Variants in MDFIC2 observed in about 807,000 individuals in gnomAD.
The protein encoded by MDFIC2 is myoD family inhibitor domain-containing protein 2.
intron 1 of MDFIC2, among the ~76,000 whole-genome samples, 175 bp downstream of exon 1, chr3:70,312,376 G>A (rs1242993587): frequency 6.6e-6 from 1 of 152,180 alleles, no homozygotes; most frequent in Non-Finnish European, 1.5e-5. Context: ...AAACACAAAA[G>A]CATCTTTTCA....
At chr3:70,279,641 G>A (rs1702061846) in intron 2 of MDFIC2, among the ~76,000 whole-genome samples, 1 of 152,186 alleles carries the variant, frequency 6.6e-6, no homozygotes, top group Non-Finnish European at 1.5e-5. Context: ...GCTACATGCT[G>A]AGTCCTATTT....
intron 2 of MDFIC2, among the ~76,000 whole-genome samples, chr3:70,259,044 C>G (rs1158066789): frequency 6.6e-6 from 1 of 152,064 alleles, no homozygotes; most frequent in African/African-American, 2.4e-5. Flanking sequence ...GAGAAAGATA[C>G]AGTTGATGTG....
At chr3:70,231,860 T>C (rs1262326756) in intron 2 of MDFIC2, among the ~76,000 whole-genome samples, 5 of 152,166 alleles carry the variant, frequency 3.3e-5, no homozygotes, top group African/African-American at 1.2e-4. Context: ...TAAACAGGCC[T>C]GCTGTGATGT....
At chr3:70,296,466 C>T (rs1398189893) in intron 2 of MDFIC2, among the ~76,000 whole-genome samples, 1 of 152,104 alleles carries the variant, frequency 6.6e-6, no homozygotes, top group African/African-American at 2.4e-5. Flanking sequence ...CATCACCTCT[C>T]ACACCGTGAC....
rs142575487 is a variant in MDFIC2 at position 70,267,042 on chromosome 3, C to T, written c.88+44844G>A. 4.7e-3 allele frequency among the ~76,000 whole-genome samples: 722 copies of T among 152,272 alleles called. 5 individuals carry two copies. The highest frequency in any genetic ancestry group is 0.017 in the African/African-American group (689 of 41,556). ...TAGCTAAACTCTCATGAAATAGCTTCCTTCTGAGCAATGTCGTGCCAATGA... is the reference window on the plus strand; with the variant it reads ...TAGCTAAACTCTCATGAAATAGCTTTCTTCTGAGCAATGTCGTGCCAATGA... On this transcript the variant is annotated intron_variant, in intron 2 of 3. Coordinates refer to ENST00000567252, the MANE Select transcript of MDFIC2 (RefSeq NM_001364677.1).
chr3:70,285,902 G>A (rs1330842841), intron 2 of MDFIC2, among the ~76,000 whole-genome samples: 2 of 151,400 alleles, frequency 1.3e-5, no homozygotes, highest in Non-Finnish European at 2.9e-5. Context: ...TTTTGATGGG[G>A]TTGTTTGTTT....
chr3:70,254,942 T>C lies in MDFIC2; in HGVS notation c.89-48152A>G, dbSNP rs77707960. On this transcript the variant is annotated intron_variant, in intron 2 of 3. Coordinates refer to ENST00000567252, the MANE Select transcript of MDFIC2 (RefSeq NM_001364677.1). Reference sequence around the variant, plus strand: ...ATTCCTCTGTAATGGTTTCCTAATATTCCTATTATGAATGTGCAATAATGT... The same window carrying C: ...ATTCCTCTGTAATGGTTTCCTAATACTCCTATTATGAATGTGCAATAATGT... Among the ~76,000 whole-genome samples the C allele has an allele frequency of 6.9e-3, 1,047 of 152,310 alleles. 9 individuals are homozygous for C. The highest frequency in any genetic ancestry group is 0.024 in the African/African-American group (1,004 of 41,578).
intron 3 of MDFIC2, among the ~76,000 whole-genome samples, chr3:70,203,130 G>A (rs1030300323): frequency 5.3e-5 from 8 of 152,082 alleles, no homozygotes; most frequent in African/African-American, 1.7e-4. Context: ...TCTCCCAGAA[G>A]TGATCCCAGA....
intron 2 of MDFIC2, among the ~76,000 whole-genome samples, chr3:70,252,945 TG>T (rs1701783181): frequency 6.6e-6 from 1 of 151,938 alleles, no homozygotes; most frequent in South Asian, 2.1e-4. Flanking sequence ...CCGGCTGTGG[TG>T]GCAGGCGCCT....
chr3:70,310,924 GCAAGTTACTAGAA>G (rs910527666), intron 2 of MDFIC2, among the ~76,000 whole-genome samples: 1 of 151,996 alleles, frequency 6.6e-6, no homozygotes, highest in Non-Finnish European at 1.5e-5. Flanking sequence ...GTAATTTTAG[GCAAGTTACTAGAA>G]CTCTTTAAGG....
chr3:70,225,292 G>GA (rs1701493189), intron 2 of MDFIC2, among the ~76,000 whole-genome samples: 1 of 152,166 alleles, frequency 6.6e-6, no homozygotes, highest in South Asian at 2.1e-4. Flanking sequence ...TCTTCAGTGT[G>GA]AGAATTATAA....
rs539322156 is a variant in MDFIC2 at position 70,308,224 on chromosome 3, T to C, written c.88+3662A>G. On this transcript the variant is annotated intron_variant, in intron 2 of 3. Transcript: ENST00000567252. ...TGCCATTACACCCAGCTAATTTTATTTTTTTGTTTTTATTTTATTTTTTTT... is the reference window on the plus strand; with the variant it reads ...TGCCATTACACCCAGCTAATTTTATCTTTTTGTTTTTATTTTATTTTTTTT... 2.8e-5 allele frequency among the ~76,000 whole-genome samples: 4 copies of C among 144,512 alleles called. No homozygotes were observed. The East Asian group carries it at 8.6e-4, about 31-fold the overall frequency. 94.8% of individuals were successfully genotyped at this position (144,512 alleles called of 152,430 possible). A position where few individuals can be genotyped will look rare whatever the true frequency, so the allele number is the denominator to read the frequency against.
rs1702437523 is a variant in MDFIC2 at position 70,309,607 on chromosome 3, A to G, written c.88+2279T>C. Among the ~76,000 whole-genome samples the G allele has an allele frequency of 2.6e-5, 4 of 152,282 alleles. No homozygotes were observed. In the South Asian group the frequency reaches 6.2e-4, roughly 24 times the overall value. On this transcript the variant is annotated intron_variant, in intron 2 of 3. Coordinates refer to ENST00000567252, the MANE Select transcript of MDFIC2 (RefSeq NM_001364677.1). ...TAGAAACCATGCCTGCCTGATTCCA[A>G]ATGCCATGCTCTTTTTACTGCACCA...
At chr3:70,255,565 TCA>T (rs1309435280) in intron 2 of MDFIC2, among the ~76,000 whole-genome samples, 3 of 152,110 alleles carry the variant, frequency 2.0e-5, no homozygotes, top group East Asian at 3.8e-4. Context: ...TCCTCCTGCC[TCA>T]GTCCTCCTGC....
intron 2 of MDFIC2, among the ~76,000 whole-genome samples, chr3:70,293,045 C>CAAAAA (rs55990203): frequency 4.0e-5 from 3 of 74,818 alleles, no homozygotes; most frequent in Non-Finnish European, 5.9e-5. Context: ...TGGTTTGAAG[C>CAAAAA]AAAAAAAAAA....
intron 2 of MDFIC2, among the ~76,000 whole-genome samples, chr3:70,214,557 G>C (rs1012607815): frequency 1.3e-5 from 2 of 150,866 alleles, no homozygotes; most frequent in Non-Finnish European, 2.9e-5. Flanking sequence ...CCCTCCCCAA[G>C]CTTCCCCAAC....
intron 2 of MDFIC2, among the ~76,000 whole-genome samples, chr3:70,258,764 A>T (rs1188971014): frequency 2.6e-5 from 4 of 152,198 alleles, no homozygotes; most frequent in Non-Finnish European, 4.4e-5. Context: ...AACAATAGGG[A>T]AATGGAACCT....
chr3:70,291,463 C>G (rs1292498349), intron 2 of MDFIC2, among the ~76,000 whole-genome samples: 3 of 152,176 alleles, frequency 2.0e-5, no homozygotes, highest in Non-Finnish European at 4.4e-5. Context: ...GACCTAGAAT[C>G]TTGTCTATAG....
chr3:70,300,136 T>G (rs1702333564), intron 2 of MDFIC2, among the ~76,000 whole-genome samples: 1 of 152,242 alleles, frequency 6.6e-6, no homozygotes, highest in South Asian at 2.1e-4. Context: ...CATATCTTCT[T>G]TGAAATTTAT....
Sources: gnomAD v4.1 joint callset for allele counts (sites outside exome capture counted in the v4.1 genomes callset) on GRCh38, gnomAD v4.1.1 for gene constraint, MANE v1.5 for transcripts, NCBI Gene and HGNC (gene_info 2026-07-23, HGNC 2026-07-21) for gene names.